Variants in DAB2IP observed in about 807,000 individuals in gnomAD.
DAB2IP encodes the protein disabled homolog 2-interacting protein.
Under a neutral mutation model 107.2 loss-of-function variants are expected in DAB2IP, and 28 were observed. The observed-to-expected ratio is 0.26, with a 90% CI of 0.19 to 0.36. DAB2IP has a LOEUF of 0.36. Ranked by LOEUF, DAB2IP falls within the 10% of genes least tolerant of loss-of-function variation. The pLI is 1.00. For synonymous variants in DAB2IP, 755 were observed against 706.4 expected (o/e 1.07, Z -1.09); for missense variants, 1,400 against 1,644.7 (o/e 0.85, Z 2.57).
In DAB2IP at chr9:121,698,673, C is replaced by T. The variant is rs1352960332; in HGVS notation, c.229-652C>T. Among the ~76,000 whole-genome samples the T allele has an allele frequency of 6.6e-6, 1 of 152,204 alleles. No individual in the cohort carries two copies. The highest frequency in any genetic ancestry group is 1.5e-5 in the Non-Finnish European group (1 of 68,048). Reference sequence around the variant, plus strand: ...CCACCCTGACATCAAGCTACTGCCGCTCTGGGAAGGAAAGTCGCCCGGAAT... The same window carrying T: ...CCACCCTGACATCAAGCTACTGCCGTTCTGGGAAGGAAAGTCGCCCGGAAT... On this transcript the variant is annotated intron_variant, in intron 2 of 15. Transcript: ENST00000408936. The surrounding 1 kb of genome is among the most constrained non-coding windows in gnomAD (Gnocchi z 4.1).
chr9:121,619,719 G>A (rs149858829), intron 1 of DAB2IP, among the ~76,000 whole-genome samples: 11 of 152,110 alleles, frequency 7.2e-5, no homozygotes, highest in South Asian at 4.1e-4. Context: ...AATGATTTCC[G>A]GGAGCGCTTG....
intron 1 of DAB2IP, among the ~76,000 whole-genome samples, chr9:121,641,130 C>A (rs570448955): frequency 7.2e-5 from 11 of 152,250 alleles, no homozygotes; most frequent in African/African-American, 2.6e-4. Context: ...TTTTCTTGGC[C>A]CCAAACTTTC....
At chr9:121,697,891 C>T (rs539847389) in intron 2 of DAB2IP, among the ~76,000 whole-genome samples, 6 of 152,272 alleles carry the variant, frequency 3.9e-5, no homozygotes, top group Admixed American at 2.6e-4. Context: ...TAGCCAGGCC[C>T]GGAAGCTGGG....
intron 1 of DAB2IP, among the ~76,000 whole-genome samples, chr9:121,671,285 G>C (rs1564146657): frequency 6.6e-6 from 1 of 152,220 alleles, no homozygotes; most frequent in Non-Finnish European, 1.5e-5. Context: ...GCAGTGAGCT[G>C]AGATTGCACC....
In DAB2IP at chr9:121,772,575, T is replaced by A. The variant is rs1337197132; in HGVS notation, c.2079-32T>A. Reference sequence around the variant, plus strand: ...TGCACTCACAGTTCTTCTTTTCCCCTTCTTTCCCTGTGTGTGCTTGTCTCC... The same window carrying A: ...TGCACTCACAGTTCTTCTTTTCCCCATCTTTCCCTGTGTGTGCTTGTCTCC... On this transcript the variant is annotated intron_variant, in intron 11 of 15. Coordinates refer to ENST00000408936, the Ensembl canonical transcript of DAB2IP. The surrounding 1 kb of genome is among the most constrained non-coding windows in gnomAD (Gnocchi z 4.7). The A allele has an allele frequency of 6.3e-7, 1 of 1,584,728 alleles. No homozygotes were observed. Among genetic ancestry groups the A allele is most frequent in the Non-Finnish European group, 8.6e-7 (1 of 1,163,144 alleles).
chr9:121,693,424 G>A (rs774555665), intron 2 of DAB2IP, among the ~76,000 whole-genome samples: 1 of 152,226 alleles, frequency 6.6e-6, no homozygotes, highest in Non-Finnish European at 1.5e-5. Flanking sequence ...GAGGTGGCAG[G>A]ATCTGGATGG....
chr9:121,749,955 A>G (rs1350008103), intron 3 of DAB2IP, among the ~76,000 whole-genome samples: 1 of 152,188 alleles, frequency 6.6e-6, no homozygotes, highest in African/African-American at 2.4e-5. Flanking sequence ...AGTGTTGTTC[A>G]TAGCTGTGTC....
intron 8 of DAB2IP, among the ~76,000 whole-genome samples, chr9:121,764,397 A>G (rs528515716): frequency 2.0e-5 from 3 of 152,384 alleles, no homozygotes; most frequent in Admixed American, 6.5e-5. Context: ...AGCCCCAGAA[A>G]GCAGCAGGGC....
chr9:121,754,850 G>A lies in DAB2IP; in HGVS notation c.363-2163G>A, dbSNP rs542301865. Reference sequence around the variant, plus strand: ...CTCTCCACAGCCAGCTCATTCATGCGCCCCAGGCAGGAGGCGGCCTCAGCT... The same window carrying A: ...CTCTCCACAGCCAGCTCATTCATGCACCCCAGGCAGGAGGCGGCCTCAGCT... On this transcript the variant is annotated intron_variant, in intron 3 of 15. Coordinates refer to ENST00000408936, the Ensembl canonical transcript of DAB2IP. Among the ~76,000 whole-genome samples the A allele has an allele frequency of 3.9e-5, 6 of 152,250 alleles. No homozygotes were observed. In the South Asian group the frequency reaches 8.3e-4, roughly 21 times the overall value.
chr9:121,598,742 C>T (rs1830589227), intron 1 of DAB2IP: 2 of 152,286 alleles, frequency 1.3e-5, no homozygotes, highest in Non-Finnish European at 2.9e-5. Flanking sequence ...CGAACACAGG[C>T]ATCCGCGTAG....
intron 3 of DAB2IP, among the ~76,000 whole-genome samples, chr9:121,725,979 A>G (rs926395014): frequency 6.6e-6 from 1 of 152,144 alleles, no homozygotes; most frequent in Non-Finnish European, 1.5e-5. Flanking sequence ...AAATATATAC[A>G]GTATTTGGTT....
chr9:121,754,409 T>C (rs1224904173), intron 3 of DAB2IP, among the ~76,000 whole-genome samples: 1 of 152,144 alleles, frequency 6.6e-6, no homozygotes. Context: ...CTGGGAGAGC[T>C]TGCGGGAACC....
chr9:121,632,832 A>G (rs2777312), intron 1 of DAB2IP, among the ~76,000 whole-genome samples: 95,054 of 151,722 alleles, frequency 0.63, 31,539 homozygotes, highest in African/African-American at 0.84. Context: ...CCTGAAGAGG[A>G]ATGCGGTGGG....
chr9:121,759,515 C>T (rs1204771905), intron 5 of DAB2IP, among the ~76,000 whole-genome samples: 1 of 152,226 alleles, frequency 6.6e-6, no homozygotes. Flanking sequence ...TCTTAAGTTA[C>T]AGTACAGACC....
At chr9:121,608,145 G>A (rs909065377) in intron 1 of DAB2IP, among the ~76,000 whole-genome samples, 10 of 152,230 alleles carry the variant, frequency 6.6e-5, no homozygotes, top group South Asian at 2.1e-4. Context: ...TTGAGTTCGT[G>A]TCACACTTGA....
At chr9:121,597,657 T>G (rs141504092) in intron 1 of DAB2IP, among the ~76,000 whole-genome samples, 45 of 152,352 alleles carry the variant, frequency 3.0e-4, no homozygotes, top group Admixed American at 1.3e-3. Flanking sequence ...AAGGATTTCT[T>G]GCATACTATC....
At chr9:121,734,149 G>A (rs1006746342) in intron 3 of DAB2IP, among the ~76,000 whole-genome samples, 2 of 150,636 alleles carry the variant, frequency 1.3e-5, no homozygotes, top group African/African-American at 5.0e-5. Context: ...AGGCCGAGGC[G>A]GGTGGATCAC....
chr9:121,614,385 GGCTGGAGTGCAATGGCATGGTTT>G (rs1181546172), intron 1 of DAB2IP, among the ~76,000 whole-genome samples: 1 of 140,614 alleles, frequency 7.1e-6, no homozygotes, highest in Admixed American at 7.7e-5. Flanking sequence ...CTGTTGCCGA[GGCTGGAGTGCAATGGCATGGTTT>G]CGGCTCACTG....
chr9:121,608,201 G>A (rs966165635), intron 1 of DAB2IP, among the ~76,000 whole-genome samples: 25 of 152,196 alleles, frequency 1.6e-4, no homozygotes, highest in African/African-American at 5.5e-4. Context: ...TGAGTGGCTC[G>A]GCAGCCTTTG....
Sources: allele counts gnomAD v4.1 joint callset (sites outside exome capture counted in the v4.1 genomes callset), GRCh38; gene constraint gnomAD v4.1.1; non-coding constraint Gnocchi (gnomAD v3.1); transcripts MANE v1.5; gene names NCBI Gene and HGNC (gene_info 2026-07-23, HGNC 2026-07-21).